ATG7: variants seen among roughly 807,000 people sequenced by gnomAD.
ATG7 encodes autophagy related 7.
Under a neutral mutation model 82.4 loss-of-function variants are expected in ATG7, and 70 were observed. That is an observed-to-expected ratio of 0.85 (90% CI 0.70 to 1.04). The LOEUF is 1.04. ATG7 is among the 50% of genes least tolerant of loss of function. The pLI, the probability that ATG7 is intolerant of heterozygous loss-of-function variation, is 0.00. For missense variants in ATG7, 792 were observed against 864.3 expected, an observed-to-expected ratio of 0.92 and a Z score of 1.05; for synonymous variants, 287 against 313.0, an observed-to-expected ratio of 0.92 and a Z score of 0.88.
chr3:11,560,063 C>T (rs143399248), downstream of ATG7, among the ~76,000 whole-genome samples: 1 of 152,214 alleles, frequency 6.6e-6, no homozygotes, highest in African/African-American at 2.4e-5. Flanking sequence ...TTCACCCCCA[C>T]CCCCACGCTG....
At chr3:11,552,651 T>C (rs2071919513) in intron 20 of ATG7, among the ~76,000 whole-genome samples, 1 of 152,200 alleles carries the variant, frequency 6.6e-6, no homozygotes, top group African/African-American at 2.4e-5. Flanking sequence ...GGAAAATCCC[T>C]GAGTGGTTTT....
chr3:11,515,670 A>C (rs1403751949), intron 20 of ATG7, among the ~76,000 whole-genome samples: 1 of 152,148 alleles, frequency 6.6e-6, no homozygotes, highest in Non-Finnish European at 1.5e-5. Context: ...GTATACATTA[A>C]GCCTCATAGA....
chr3:11,477,321 A>G (rs1459333708), intron 20 of ATG7: 2 of 1,186,102 alleles, frequency 1.7e-6, no homozygotes, highest in Non-Finnish European at 2.1e-6. Context: ...TTTGTGCTAC[A>G]AACTCCTGAA....
chr3:11,413,150 CT>C (rs1364790356), intron 19 of ATG7, among the ~76,000 whole-genome samples: 1 of 152,046 alleles, frequency 6.6e-6, no homozygotes, highest in African/African-American at 2.4e-5. Context: ...ATTTGGATGC[CT>C]TTTATTTATT....
At chr3:11,376,228 G>C (rs2077405980) in intron 18 of ATG7, among the ~76,000 whole-genome samples, 1 of 152,128 alleles carries the variant, frequency 6.6e-6, no homozygotes. Flanking sequence ...TTTTGGGGGT[G>C]ATGAAAATGT....
chr3:11,424,531 C>T (rs1274730469), intron 19 of ATG7, among the ~76,000 whole-genome samples: 4 of 151,398 alleles, frequency 2.6e-5, no homozygotes, highest in African/African-American at 7.3e-5. Context: ...AAGCACTACC[C>T]TTTAACAGAG....
chr3:11,324,462 G>T (rs887327866), intron 9 of ATG7, among the ~76,000 whole-genome samples: 1 of 152,006 alleles, frequency 6.6e-6, no homozygotes, highest in African/African-American at 2.4e-5. Context: ...CCTATTCGAC[G>T]CCTGCCTTCT....
intron 19 of ATG7, among the ~76,000 whole-genome samples, chr3:11,392,288 T>A (rs1200941858): frequency 1.4e-4 from 21 of 152,108 alleles, no homozygotes; most frequent in Admixed American, 1.4e-3. Context: ...GGCAGGGACA[T>A]GCAGCTGCTA....
chr3:11,363,059 A>G, intron 17 of ATG7, 131 bp downstream of exon 17: 2 of 810,764 alleles, frequency 2.5e-6, no homozygotes, highest in Non-Finnish European at 3.9e-6. Context: ...AAAAAACAAG[A>G]CTAGAAAAAG....
At chr3:11,294,201 G>C (rs1358261688) in intron 3 of ATG7, among the ~76,000 whole-genome samples, 1 of 151,982 alleles carries the variant, frequency 6.6e-6, no homozygotes, top group Non-Finnish European at 1.5e-5. Context: ...TTCTACACGT[G>C]TGCCTCAAAT....
intron 9 of ATG7, 41 bp downstream of exon 9, chr3:11,315,534 T>A (rs776367094): frequency 2.8e-5 from 41 of 1,482,624 alleles, no homozygotes; most frequent in Non-Finnish European, 3.3e-5. Context: ...TATAGTTTTT[T>A]AAAAAATCTG....
At chr3:11,302,509 G>A (rs1489582948) in intron 5 of ATG7, among the ~76,000 whole-genome samples, 1 of 152,216 alleles carries the variant, frequency 6.6e-6, no homozygotes, top group Admixed American at 6.5e-5. Context: ...AGATGTGTGT[G>A]TGTTAGGAAT....
At chr3:11,560,312 A>C (rs1322577990), downstream of ATG7, among the ~76,000 whole-genome samples, 1 of 152,218 alleles carries the variant, frequency 6.6e-6, no homozygotes, top group Non-Finnish European at 1.5e-5. Context: ...AACTAAACAG[A>C]ACTTCCTCAG....
chr3:11,552,775 A>T (rs2071933026), intron 20 of ATG7, among the ~76,000 whole-genome samples: 1 of 152,212 alleles, frequency 6.6e-6, no homozygotes, highest in Non-Finnish European at 1.5e-5. Flanking sequence ...CGAGTGGCTC[A>T]ATCTGTCCAG....
At chr3:11,326,515 G>A (rs1161122722) in intron 9 of ATG7, among the ~76,000 whole-genome samples, 2 of 152,100 alleles carry the variant, frequency 1.3e-5, no homozygotes, top group Non-Finnish European at 2.9e-5. Flanking sequence ...AGCCAGGATG[G>A]TCTTGATCTC....
At position 11,317,573 on chromosome 3, in the gene ATG7, T is replaced by C. The variant is rs564410204; in HGVS notation, c.678+2080T>C. Among the ~76,000 whole-genome samples, 175 of 138,040 alleles carry C rather than the reference T, an allele frequency of 1.3e-3. 1 individual carries two copies. The highest frequency in any genetic ancestry group is 4.7e-3 in the African/African-American group (168 of 35,988). The allele number at this position is 138,040 out of a possible 152,430, so 90.6% of individuals were successfully genotyped here. On this transcript the variant is annotated intron_variant, in intron 9 of 20. Transcript: ENST00000693202. ...TTGTCTGATTCCGAAGCCTATGCCC[T>C]TTCTTTCTTTCTTTTTTTTTTTTTT...
intron 19 of ATG7, among the ~76,000 whole-genome samples, chr3:11,399,345 C>T (rs2079593891): frequency 1.3e-5 from 2 of 151,764 alleles, no homozygotes; most frequent in Admixed American, 1.3e-4. Context: ...GAGACACTGT[C>T]TCAAAAAATA....
intron 20 of ATG7, among the ~76,000 whole-genome samples, chr3:11,454,316 G>A (rs919431383): frequency 6.6e-6 from 1 of 152,192 alleles, no homozygotes; most frequent in Non-Finnish European, 1.5e-5. Context: ...TCAGCACATC[G>A]TGTTTCCCTG....
chr3:11,445,166 C>T (rs969121653), intron 20 of ATG7, among the ~76,000 whole-genome samples: 3 of 152,150 alleles, frequency 2.0e-5, no homozygotes, highest in African/African-American at 7.2e-5. Flanking sequence ...GACCTATAAA[C>T]AGAAATACCA....
Sources: gnomAD v4.1 joint callset for allele counts (sites outside exome capture counted in the v4.1 genomes callset) on GRCh38, gnomAD v4.1.1 for gene constraint, MANE v1.5 for transcripts, NCBI Gene and HGNC (gene_info 2026-07-23, HGNC 2026-07-21) for gene names.